Variants in MGA observed in about 807,000 individuals in gnomAD.
MGA encodes MAX dimerization protein MGA.
In MGA, 40 loss-of-function variants were observed where a neutral mutation model predicts 261.1. The ratio of observed to expected loss-of-function variants is 0.15; its 90% CI spans 0.12 to 0.20. MGA has a LOEUF of 0.20. MGA is among the 10% of genes least tolerant of loss of function. The pLI, the probability that MGA is intolerant of heterozygous loss-of-function variation, is 1.00. For missense variants in MGA, 3,397 were observed against 3,630.5 expected (o/e 0.94, Z 1.65); for synonymous variants, 1,302 against 1,290.6 (o/e 1.01, Z -0.19).
chr15:41,749,762 G>A lies in MGA; in HGVS notation c.6155G>A (p.Cys2052Tyr). 6.2e-7 allele frequency: 1 copy of A among 1,613,942 alleles called. No homozygotes were observed. The highest frequency in any genetic ancestry group is 1.1e-5 in the South Asian group (1 of 91,078). The change falls in exon 17 of 24, where the codon TGT becomes TAT. Residue 2052 changes from cysteine (C) to tyrosine (Y), a missense_variant. By Grantham distance (194) the Cys-to-Tyr change is radical. This residue lies in a region of MGA where 1,410 missense variants were observed against 1,386.4 expected (regional missense o/e 1.02). Transcript: ENST00000219905. ...ACTGTCAAACCATCTGAGCATTCCT[G>A]TATCACTGGGTCACATACAGATCAA...
intron 22 of MGA, among the ~76,000 whole-genome samples, chr15:41,763,409 CT>C (rs2063608201): frequency 1.3e-5 from 2 of 151,408 alleles, no homozygotes; most frequent in Admixed American, 1.3e-4. Context: ...CCATCAGGCT[CT>C]ATTTTTCATC....
chr15:41,669,290 C>G lies in MGA; in HGVS notation c.396C>G (p.Asn132Lys), dbSNP rs745502068. The G allele has an allele frequency of 6.2e-7, 1 of 1,613,928 alleles. No homozygotes were observed. Among genetic ancestry groups the G allele is most frequent in the South Asian group, 1.1e-5 (1 of 91,074 alleles). The stretch of plus-strand genomic sequence containing the variant: ...TCATGGATATATCTCCTGTGGATAA[C>G]CATCGTTATAAGTGGAATGGTCGTT... Residue 132 changes from asparagine (N) to lysine (K), a missense_variant, in exon 2 of 24, where the codon AAC (asparagine) becomes AAG (lysine). By Grantham distance (94) the Asn-to-Lys change is moderately conservative (BLOSUM62 0). Coordinates refer to ENST00000219905, the MANE Select transcript of MGA (RefSeq NM_001164273.2).
chr15:41,676,187 A>ATT (rs536715101), intron 2 of MGA, among the ~76,000 whole-genome samples: 1 of 146,702 alleles, frequency 6.8e-6, no homozygotes, highest in African/African-American at 2.5e-5. Flanking sequence ...CTCTGGTTTG[A>ATT]TTTTTTTTTT....
intron 11 of MGA, among the ~76,000 whole-genome samples, chr15:41,733,674 C>T (rs1000389528): frequency 3.3e-5 from 5 of 152,142 alleles, no homozygotes; most frequent in Non-Finnish European, 7.3e-5. Flanking sequence ...GTGTACATAG[C>T]ATGAGGGCAC....
chr15:41,633,606 A>T lies in MGA; in HGVS notation c.-68+12308A>T, dbSNP rs555913981. On this transcript the variant is annotated intron_variant, in intron 1 of 8. Transcript: ENST00000566718. The stretch of plus-strand genomic sequence containing the variant: ...CTTGGCTAATTTCTGTATTTTTAGT[A>T]GAGACGGGTTTTTGCCATGTTGCCC... 6.6e-5 allele frequency among the ~76,000 whole-genome samples: 10 copies of T among 152,122 alleles called. 1 individual carries two copies. In the South Asian group the frequency reaches 1.7e-3, roughly 25 times the overall value.
chr15:41,734,717 T>C (rs1187381224), intron 12 of MGA, 123 bp downstream of exon 12: 9 of 729,020 alleles, frequency 1.2e-5, no homozygotes, highest in Non-Finnish European at 1.9e-5. Flanking sequence ...TTCAAACTTA[T>C]GCCAAAAACA....
chr15:41,714,433 A>T (rs1031433437), intron 9 of MGA, among the ~76,000 whole-genome samples: 1 of 152,214 alleles, frequency 6.6e-6, no homozygotes, highest in African/African-American at 2.4e-5. Flanking sequence ...TTGCTGTGAC[A>T]GTGTGTACAT....
At position 41,704,626 on chromosome 15, in the gene MGA, C is replaced by G. The variant is rs143490816; in HGVS notation, c.2189-3102C>G. Among the ~76,000 whole-genome samples, 968 of 152,200 alleles carry G rather than the reference C, an allele frequency of 6.4e-3. 4 individuals are homozygous for G. The highest frequency in any genetic ancestry group is 0.041 in the Middle Eastern group (12 of 294). ...TGAGTGGAGATCGTGCCACTGCACT[C>G]CAGCCTGGGTGACAGAGCAAGACTC... On this transcript the variant is annotated intron_variant, in intron 5 of 23. Transcript: ENST00000219905.
chr15:41,660,191 T>C (rs1467102593), upstream of MGA, among the ~76,000 whole-genome samples: 1 of 152,206 alleles, frequency 6.6e-6, no homozygotes, highest in African/African-American at 2.4e-5. Context: ...CCTTTCTTGG[T>C]TCTAGAACCT....
intron 5 of MGA, among the ~76,000 whole-genome samples, chr15:41,699,721 T>G (rs1219501346): frequency 6.6e-6 from 1 of 152,126 alleles, no homozygotes; most frequent in African/African-American, 2.4e-5. Context: ...AGGATGGTCT[T>G]GATCTCCTGA....
chr15:41,734,309 TC>T (rs2061662646), intron 11 of MGA, among the ~76,000 whole-genome samples: 1 of 152,214 alleles, frequency 6.6e-6, no homozygotes, highest in Non-Finnish European at 1.5e-5. Flanking sequence ...GATGACTCAG[TC>T]ACTATCAAGG....
intron 1 of MGA, among the ~76,000 whole-genome samples, chr15:41,651,352 A>G (rs571885185): frequency 6.6e-6 from 1 of 152,012 alleles, no homozygotes; most frequent in African/African-American, 2.4e-5. Context: ...TCAGTGTTTT[A>G]CTCTTATAAA....
intron 2 of MGA, among the ~76,000 whole-genome samples, chr15:41,673,881 C>T (rs951606252): frequency 1.3e-5 from 2 of 152,018 alleles, no homozygotes; most frequent in African/African-American, 4.8e-5. Flanking sequence ...ACCTCTTCTC[C>T]CATCTAATAC....
intron 13 of MGA, chr15:41,739,942 T>A: frequency 1.2e-6 from 2 of 1,612,616 alleles, no homozygotes; most frequent in Non-Finnish European, 1.7e-6. Flanking sequence ...TAAGTTGCTA[T>A]TGGGACAGAT....
intron 1 of MGA, among the ~76,000 whole-genome samples, chr15:41,649,636 G>T (rs1291317278): frequency 2.0e-5 from 3 of 151,942 alleles, no homozygotes; most frequent in African/African-American, 7.3e-5. Context: ...AGTCTTACTG[G>T]GTTCTAGTCT....
At chr15:41,699,792 A>G (rs761318781) in intron 5 of MGA, among the ~76,000 whole-genome samples, 1 of 152,102 alleles carries the variant, frequency 6.6e-6, no homozygotes, top group Non-Finnish European at 1.5e-5. Context: ...TTTTGGAGGA[A>G]GGGTCTTCCT....
At chr15:41,733,985 G>A (rs2061646952) in intron 11 of MGA, among the ~76,000 whole-genome samples, 2 of 147,202 alleles carry the variant, frequency 1.4e-5, no homozygotes, top group Admixed American at 7.0e-5. Context: ...GCATGGTCTC[G>A]GCTCACTGCA....
chr15:41,739,823 G>T, intron 13 of MGA, 83 bp from the exon 14 acceptor site: 1 of 1,351,692 alleles, frequency 7.4e-7, no homozygotes. Flanking sequence ...ATGAAAACTT[G>T]TAAAAATGAA....
intron 1 of MGA, among the ~76,000 whole-genome samples, chr15:41,622,258 G>T (rs748917791): frequency 6.6e-6 from 1 of 152,144 alleles, no homozygotes; most frequent in African/African-American, 2.4e-5. Flanking sequence ...GCCACCCTCG[G>T]CTTCCATTTC....
Sources: gnomAD v4.1 joint callset for allele counts (sites outside exome capture counted in the v4.1 genomes callset) on GRCh38, gnomAD v4.1.1 for gene constraint, gnomAD v4.1.1 regional missense constraint, MANE v1.5 for transcripts, NCBI Gene and HGNC (gene_info 2026-07-23, HGNC 2026-07-21) for gene names.